CYP7B1: variants seen among roughly 807,000 people sequenced by gnomAD.
CYP7B1 encodes cytochrome P450 family 7 subfamily B member 1.
CYP7B1 carries 29 observed loss-of-function variants against 42.7 expected under a neutral mutation model. The observed-to-expected ratio is 0.68, with a 90% CI of 0.51 to 0.93. The LOEUF is 0.93. Among genes scored for constraint, CYP7B1 ranks in the 40% least tolerant of loss-of-function variants. CYP7B1 has a pLI of 0.00. For missense variants in CYP7B1, 655 were observed against 600.5 expected (o/e 1.09, Z -0.95); for synonymous variants, 235 against 218.2 (o/e 1.08, Z -0.68).
intron 1 of CYP7B1, among the ~76,000 whole-genome samples, chr8:64,727,474 A>C (rs996928282): frequency 1.3e-5 from 2 of 152,210 alleles, no homozygotes; most frequent in African/African-American, 4.8e-5. Context: ...GTATTCACAC[A>C]ATATGTACAT....
intron 1 of CYP7B1, among the ~76,000 whole-genome samples, chr8:64,677,556 A>G (rs908275678): frequency 1.3e-5 from 2 of 151,850 alleles, no homozygotes; most frequent in Non-Finnish European, 2.9e-5. Context: ...ATTCTCAAGC[A>G]ACTGAGGAGG....
chr8:64,733,160 C>A (rs1027979521), intron 1 of CYP7B1, among the ~76,000 whole-genome samples: 1 of 152,120 alleles, frequency 6.6e-6, no homozygotes, highest in South Asian at 2.1e-4. Flanking sequence ...CACACACACA[C>A]ATATATAGAG....
At chr8:64,681,292 C>T (rs1030138166) in intron 1 of CYP7B1, among the ~76,000 whole-genome samples, 2 of 152,162 alleles carry the variant, frequency 1.3e-5, no homozygotes, top group African/African-American at 2.4e-5. Flanking sequence ...ATTCCCCAGT[C>T]GTCACGGAGT....
intron 1 of CYP7B1, among the ~76,000 whole-genome samples, chr8:64,738,973 C>T (rs1485461861): frequency 6.6e-6 from 1 of 152,176 alleles, no homozygotes; most frequent in Admixed American, 6.5e-5. Flanking sequence ...CCTCCAGGAA[C>T]CCTGCCATGT....
intron 1 of CYP7B1, among the ~76,000 whole-genome samples, chr8:64,726,845 G>A (rs1460249093): frequency 6.6e-6 from 1 of 152,020 alleles, no homozygotes; most frequent in Non-Finnish European, 1.5e-5. Context: ...TTTGTGGTCT[G>A]GTGCTTTCAG....
chr8:64,798,605 G>C lies in CYP7B1; in HGVS notation c.-18C>G. ...CCTGCCATCCGGCGCGCGCTAGGCC[G>C]CGGTGGGCAGCCCGGGGTCTGCCTG... is the stretch of plus-strand genomic sequence containing the variant. On this transcript the variant is annotated 5_prime_UTR_variant, in exon 1 of 6. Coordinates refer to ENST00000310193, the MANE Select transcript of CYP7B1 (RefSeq NM_004820.5). 6.9e-7 allele frequency: 1 copy of C among 1,453,834 alleles called. No homozygotes were observed. Among genetic ancestry groups the C allele is most frequent in the Admixed American group, 2.7e-5 (1 of 37,664 alleles). The allele number at this position is 1,453,834 out of a possible 1,614,324, so 90.1% of individuals were successfully genotyped here. A position where few individuals can be genotyped will look rare whatever the true frequency, so the allele number is the denominator to read the frequency against.
chr8:64,700,564 G>T (rs902914386), intron 1 of CYP7B1, among the ~76,000 whole-genome samples: 1 of 152,082 alleles, frequency 6.6e-6, no homozygotes, highest in Admixed American at 6.6e-5. Context: ...TATATCTTTT[G>T]TTCTACTTAC....
intron 1 of CYP7B1, among the ~76,000 whole-genome samples, chr8:64,754,443 A>G (rs1486156918): frequency 6.6e-6 from 1 of 152,186 alleles, no homozygotes; most frequent in Non-Finnish European, 1.5e-5. Context: ...AGTAAGTTGA[A>G]GTGCTCACAA....
At chr8:64,744,235 T>C (rs138382073) in intron 1 of CYP7B1, among the ~76,000 whole-genome samples, 1 of 152,294 alleles carries the variant, frequency 6.6e-6, no homozygotes, top group East Asian at 1.9e-4. Context: ...ATTTAAGAAG[T>C]TTGAAATGAT....
At chr8:64,641,727 G>A (rs1243485872) in intron 1 of CYP7B1, among the ~76,000 whole-genome samples, 2 of 152,118 alleles carry the variant, frequency 1.3e-5, no homozygotes, top group African/African-American at 4.8e-5. Flanking sequence ...TGGGTACCAA[G>A]CTTAGTCACA....
At chr8:64,641,205 T>A (rs1292899231) in intron 1 of CYP7B1, among the ~76,000 whole-genome samples, 1 of 151,964 alleles carries the variant, frequency 6.6e-6, no homozygotes, top group Admixed American at 6.6e-5. Context: ...CCAGACAGAG[T>A]GTGGTAGCTA....
intron 1 of CYP7B1, among the ~76,000 whole-genome samples, chr8:64,770,781 G>A (rs1804209255): frequency 6.6e-6 from 1 of 152,138 alleles, no homozygotes; most frequent in South Asian, 2.1e-4. Flanking sequence ...ATGGCTAGTT[G>A]CTAGAGCTAT....
chr8:64,769,212 A>G (rs1017948823), intron 1 of CYP7B1, among the ~76,000 whole-genome samples: 3 of 152,218 alleles, frequency 2.0e-5, no homozygotes, highest in Non-Finnish European at 4.4e-5. Flanking sequence ...ATCTCATAAT[A>G]AGATCTATGG....
chr8:64,706,915 A>G (rs1298347010), intron 1 of CYP7B1, among the ~76,000 whole-genome samples: 3 of 152,026 alleles, frequency 2.0e-5, no homozygotes, highest in Non-Finnish European at 4.4e-5. Context: ...AAGGTATCCA[A>G]TATCAGAAAG....
Position 64,594,841 on chromosome 8 carries a change from A to G in CYP7B1, c.*1801T>C, listed in dbSNP as rs1405038935. On this transcript the variant is annotated 3_prime_UTR_variant, in exon 6 of 6. Transcript: ENST00000310193. ...GATGTATGTAGAGTGAGAGGATCTAATGTAGAGTGTGAGAACAGTAATATT... is the reference window on the plus strand; with the variant it reads ...GATGTATGTAGAGTGAGAGGATCTAGTGTAGAGTGTGAGAACAGTAATATT... Among the ~76,000 whole-genome samples, 1 of 152,230 alleles carries G rather than the reference A, an allele frequency of 6.6e-6. No homozygotes were observed. Among genetic ancestry groups the G allele is most frequent in the Non-Finnish European group, 1.5e-5 (1 of 68,038 alleles).
At chr8:64,604,557 T>C (rs2129629938) in intron 5 of CYP7B1, 125 bp downstream of exon 5, 1 of 951,060 alleles carries the variant, frequency 1.1e-6, no homozygotes, top group Non-Finnish European at 1.7e-6. Context: ...GGAGGAATAA[T>C]AGAAGCCATC....
At chr8:64,777,250 G>T (rs530697483) in intron 1 of CYP7B1, among the ~76,000 whole-genome samples, 1 of 151,436 alleles carries the variant, frequency 6.6e-6, no homozygotes, top group South Asian at 2.1e-4. Flanking sequence ...AAGACATGAA[G>T]GGTAAGATGG....
intron 1 of CYP7B1, among the ~76,000 whole-genome samples, chr8:64,789,418 T>A (rs1295833531): frequency 6.6e-6 from 1 of 152,216 alleles, no homozygotes; most frequent in East Asian, 1.9e-4. Flanking sequence ...ATATCTAGGA[T>A]CTTGATAAGG....
At chr8:64,653,565 A>G (rs1449827260) in intron 1 of CYP7B1, among the ~76,000 whole-genome samples, 1 of 152,138 alleles carries the variant, frequency 6.6e-6, no homozygotes, top group African/African-American at 2.4e-5. Context: ...AAATTCTACC[A>G]GATGTACAAA....
Sources: gnomAD v4.1 joint callset for allele counts (sites outside exome capture counted in the v4.1 genomes callset) on GRCh38, gnomAD v4.1.1 for gene constraint, MANE v1.5 for transcripts, NCBI Gene and HGNC (gene_info 2026-07-23, HGNC 2026-07-21) for gene names.